The following TRIT1 variants were observed in gnomAD, a reference collection of about 807,000 sequenced individuals.
The protein encoded by TRIT1 is tRNA isopentenyltransferase 1.
Under a neutral mutation model 51.2 loss-of-function variants are expected in TRIT1, and 43 were observed. The observed-to-expected ratio is 0.84, with a 90% CI of 0.66 to 1.08. The LOEUF (loss-of-function observed/expected upper bound fraction) is 1.08. TRIT1 is among the 50% of genes least tolerant of loss of function. TRIT1 has a pLI of 0.00. For synonymous variants in TRIT1, 184 were observed against 203.9 expected (o/e 0.90, Z 0.83); for missense variants, 528 against 578.4 (o/e 0.91, Z 0.89).
chr1:39,872,599 C>T (rs969859957), intron 1 of TRIT1, among the ~76,000 whole-genome samples: 6 of 151,998 alleles, frequency 3.9e-5, no homozygotes, highest in African/African-American at 1.2e-4. Flanking sequence ...GTCAGAGATA[C>T]CAGTATAAAC....
rs182030887 is a variant in TRIT1, at chr1:39,862,669, T to C, written c.175-5252A>G. ...ATTAATCAATTTTGTAAGTATCACA[T>C]TTGGTCCAGAGGTTTAGGTCACATC... On this transcript the variant is annotated intron_variant, in intron 1 of 10. Coordinates refer to ENST00000316891, the MANE Select transcript of TRIT1 (RefSeq NM_017646.6). The C allele has an allele frequency of 1.2e-3, 682 of 546,622 alleles. 1 individual carries two copies. The highest frequency in any genetic ancestry group is 1.5e-3 in the Non-Finnish European group (644 of 429,834). The allele number at this position is 546,622 out of a possible 1,614,324, so 33.9% of individuals were successfully genotyped here.
chr1:39,856,448 C>T (rs1642902825), intron 2 of TRIT1, among the ~76,000 whole-genome samples: 1 of 146,362 alleles, frequency 6.8e-6, no homozygotes, highest in African/African-American at 2.5e-5. Flanking sequence ...GGTGCCACTG[C>T]ACTCCAACCT....
At chr1:39,877,043 A>C (rs1644091828) in intron 1 of TRIT1, among the ~76,000 whole-genome samples, 2 of 138,026 alleles carry the variant, frequency 1.4e-5, no homozygotes, top group African/African-American at 5.5e-5. Context: ...AAAAAAAAAA[A>C]ACAGGTCTTC....
At chr1:39,869,430 AGTGTT>A (rs1230641314) in intron 1 of TRIT1, among the ~76,000 whole-genome samples, 1 of 152,322 alleles carries the variant, frequency 6.6e-6, no homozygotes, top group East Asian at 1.9e-4. Flanking sequence ...GCTGGAGTGC[AGTGTT>A]GTGATCTTGG....
chr1:39,851,846 G>A (rs1488079634), intron 4 of TRIT1, among the ~76,000 whole-genome samples: 1 of 151,702 alleles, frequency 6.6e-6, no homozygotes, highest in Non-Finnish European at 1.5e-5. Context: ...TACTCAGGAG[G>A]CCGAGGCAGG....
chr1:39,871,452 G>T (rs6600305), intron 1 of TRIT1, among the ~76,000 whole-genome samples: 2 of 151,802 alleles, frequency 1.3e-5, no homozygotes, highest in African/African-American at 2.4e-5. Context: ...TGGTGGCACA[G>T]GCCTATAGTC....
intron 1 of TRIT1, among the ~76,000 whole-genome samples, chr1:39,870,313 A>G (rs1416971457): frequency 1.3e-5 from 2 of 152,110 alleles, no homozygotes; most frequent in Non-Finnish European, 2.9e-5. Flanking sequence ...TGAAGGCAGC[A>G]TGCTCGTAAA....
At chr1:39,881,026 T>G (rs1311896280) in intron 1 of TRIT1, among the ~76,000 whole-genome samples, 1 of 151,860 alleles carries the variant, frequency 6.6e-6, no homozygotes, top group Non-Finnish European at 1.5e-5. Context: ...GAGACCAGTC[T>G]GGCCAACATG....
At chr1:39,857,118 C>T (rs1642945272) in intron 2 of TRIT1, among the ~76,000 whole-genome samples, 159 bp downstream of exon 2, 1 of 152,214 alleles carries the variant, frequency 6.6e-6, no homozygotes, top group Non-Finnish European at 1.5e-5. Flanking sequence ...GACAAAGACA[C>T]TGTATCTTTC....
At chr1:39,868,644 C>CAA (rs60152365) in intron 1 of TRIT1, among the ~76,000 whole-genome samples, 1,192 of 89,778 alleles carry the variant, frequency 0.013, 13 homozygotes, top group African/African-American at 0.02. Context: ...AACTTCCTCT[C>CAA]AAAAAAAAAA....
At chr1:39,866,543 T>A (rs999578076) in intron 1 of TRIT1, among the ~76,000 whole-genome samples, 4 of 152,162 alleles carry the variant, frequency 2.6e-5, no homozygotes, top group Admixed American at 1.3e-4. Context: ...AAAAGAAAAC[T>A]TTTTTTAAAC....
In TRIT1 at chr1:39,874,376, C is replaced by T. The variant is rs201714563; in HGVS notation, c.174+8942G>A. Among the ~76,000 whole-genome samples the T allele has an allele frequency of 3.3e-5, 5 of 152,200 alleles. No homozygotes were observed. In the East Asian group the frequency reaches 9.7e-4, roughly 29 times the overall value. On this transcript the variant is annotated intron_variant, in intron 1 of 10. Coordinates refer to ENST00000316891, the MANE Select transcript of TRIT1 (RefSeq NM_017646.6). The stretch of plus-strand genomic sequence containing the variant: ...AAAAATGTCTCCAGGGATTGCCAAA[C>T]GTCCCCTAGGAGGCCAAATCACCCC...
At position 39,853,703 on chromosome 1, in the gene TRIT1, C is replaced by T. The variant is rs61779834; in HGVS notation, c.414+267G>A. Among the ~76,000 whole-genome samples the T allele has an allele frequency of 0.18, 27,728 of 152,072 alleles. 2,665 individuals are homozygous for T. The highest frequency in any genetic ancestry group is 0.22 in the Non-Finnish European group (14,732 of 67,938). On this transcript the variant is annotated intron_variant, in intron 3 of 10. Coordinates refer to ENST00000316891, the MANE Select transcript of TRIT1 (RefSeq NM_017646.6). Reference sequence around the variant, plus strand: ...CTGGGATTACAGGTGTGAGCCACCACGCCTGGCCTAATGAACTGTTAATTT... The same window carrying T: ...CTGGGATTACAGGTGTGAGCCACCATGCCTGGCCTAATGAACTGTTAATTT...
At chr1:39,847,159 T>G in intron 8 of TRIT1, 61 bp downstream of exon 8, 1 of 1,380,300 alleles carries the variant, frequency 7.2e-7, no homozygotes. Context: ...CTGGGTGAGC[T>G]GAGGACATCT....
chr1:39,867,413 G>A (rs140926459), intron 1 of TRIT1, among the ~76,000 whole-genome samples: 7 of 152,314 alleles, frequency 4.6e-5, no homozygotes, highest in Admixed American at 1.3e-4. Flanking sequence ...CCAAAGTGCT[G>A]GGATTACAGG....
intron 1 of TRIT1, among the ~76,000 whole-genome samples, chr1:39,874,578 C>T (rs1033826071): frequency 1.3e-5 from 2 of 152,086 alleles, no homozygotes; most frequent in South Asian, 2.1e-4. Flanking sequence ...GAACCAAAAT[C>T]ATTACTCCAG....
At position 39,839,243 on chromosome 1, in the gene TRIT1, A is replaced by T. The variant is rs957933252; in HGVS notation, c.*2501T>A. ...CTATGGCCAGATGGTACAAAATGGCATTCCTCATTCTCACTCCAGGCTGAG... is the reference window on the plus strand; with the variant it reads ...CTATGGCCAGATGGTACAAAATGGCTTTCCTCATTCTCACTCCAGGCTGAG... On this transcript the variant is annotated 3_prime_UTR_variant, in exon 11 of 11. Coordinates refer to ENST00000316891, the MANE Select transcript of TRIT1 (RefSeq NM_017646.6). Among the ~76,000 whole-genome samples the T allele has an allele frequency of 2.6e-5, 4 of 152,206 alleles. No individual in the cohort carries two copies. The highest frequency in any genetic ancestry group is 9.6e-5 in the African/African-American group (4 of 41,462).
intron 1 of TRIT1, among the ~76,000 whole-genome samples, chr1:39,860,803 C>T (rs917394162): frequency 3.9e-5 from 6 of 152,264 alleles, no homozygotes; most frequent in South Asian, 2.1e-4. Context: ...AAAAAAGCCG[C>T]GTGCAGTGGC....
chr1:39,844,692 T>C (rs754151188), intron 8 of TRIT1, 52 bp from the exon 9 acceptor site: 9 of 1,319,946 alleles, frequency 6.8e-6, no homozygotes, highest in Non-Finnish European at 9.8e-6. Context: ...CCCAATCTAT[T>C]CTGCAGCCAG....
Sources: gnomAD v4.1 joint callset for allele counts (sites outside exome capture counted in the v4.1 genomes callset) on GRCh38, gnomAD v4.1.1 for gene constraint, MANE v1.5 for transcripts, NCBI Gene and HGNC (gene_info 2026-07-23, HGNC 2026-07-21) for gene names.